The following A2M variants were observed in gnomAD, a reference collection of about 807,000 sequenced individuals.
A2M encodes C3 and PZP-like alpha-2-macroglobulin domain-containing protein 5.
A2M carries 128 observed loss-of-function variants against 183.9 expected under a neutral mutation model. That is an observed-to-expected ratio of 0.70 (90% CI 0.60 to 0.81). A2M has a LOEUF of 0.81. Among genes scored for constraint, A2M ranks in the 30% least tolerant of loss-of-function variants. A2M has a pLI of 0.00. For missense variants in A2M, 1,495 were observed against 1,787.6 expected, an observed-to-expected ratio of 0.84 and a Z score of 2.95; for synonymous variants, 592 against 670.8, an observed-to-expected ratio of 0.88 and a Z score of 1.81.
chr12:9,109,758 C>T, intron 6 of A2M, 109 bp downstream of exon 6: 1 of 1,106,498 alleles, frequency 9.0e-7, no homozygotes, highest in Non-Finnish European at 1.3e-6. Context: ...TACTCCAAGC[C>T]CAATGTCACC....
upstream of A2M, chr12:9,116,226 G>T (rs945274415): frequency 2.8e-5 from 8 of 290,570 alleles, no homozygotes; most frequent in Non-Finnish European, 4.8e-5. Context: ...CACATCTCTT[G>T]TATGAATAGC....
rs747664880 is a variant in A2M, at chr12:9,074,637, C to A, written c.3679G>T (p.Asp1227Tyr). The A allele has an allele frequency of 1.5e-5, 24 of 1,613,876 alleles. No individual in the cohort carries two copies. The South Asian group carries it at 2.5e-4, about 17-fold the overall frequency. Residue 1227 changes from aspartate to tyrosine, a missense_variant, in exon 29 of 36, where the codon GAC (aspartate) becomes TAC (tyrosine). Physicochemically the swap from Asp to Tyr is radical, Grantham distance 160. Coordinates refer to ENST00000318602, the MANE Select transcript of A2M (RefSeq NM_000014.6). ...ACGATGTTGGTTGCAGAGGTCAGGT[C>A]CTCCGAGGTTGGGGCTGGCTGGGCC... is the stretch of plus-strand genomic sequence containing the variant. ...LTAQPAPTSE[D>Y]LTSATNIVKW...
intron 33 of A2M, 133 bp from the exon 34 acceptor site, chr12:9,068,975 T>C (rs1425647363): frequency 1.8e-6 from 1 of 571,410 alleles, no homozygotes; most frequent in African/African-American, 1.9e-5. Context: ...CTTAATTAAA[T>C]TGTGCAGAAA....
chr12:9,105,886 A>C (rs1303831413), intron 10 of A2M, among the ~76,000 whole-genome samples: 1 of 152,176 alleles, frequency 6.6e-6, no homozygotes, highest in Non-Finnish European at 1.5e-5. Context: ...ATGAATTTTG[A>C]GATTCTTGTG....
At position 9,107,563 on chromosome 12, in the gene A2M, A is replaced by G; in HGVS notation, c.840T>C (p.Gly280=). The change falls in exon 8 of 36, where the codon GGT becomes GGC. Residue 280 remains glycine (G), a synonymous_variant. Coordinates refer to ENST00000318602, the MANE Select transcript of A2M (RefSeq NM_000014.6). ...RKYSDASDCH[G]EDSQAFCEKF... ...TCTCACAGAAAGCCTGTGAATCTTC[A>G]CCGTGGCAGTCGGAAGCGTCACTAT... 1 of 1,613,910 alleles carries G rather than the reference A, an allele frequency of 6.2e-7. No homozygotes were observed. Among genetic ancestry groups the G allele is most frequent in the Non-Finnish European group, 8.5e-7 (1 of 1,179,840 alleles).
chr12:9,074,951 C>G (rs1034407033), intron 28 of A2M, among the ~76,000 whole-genome samples, 168 bp from the exon 29 acceptor site: 1 of 152,172 alleles, frequency 6.6e-6, no homozygotes, highest in Non-Finnish European at 1.5e-5. Context: ...TGTGTTTTAG[C>G]CCAGCTAAGG....
chr12:9,083,193 G>T (rs1180034717), intron 22 of A2M, among the ~76,000 whole-genome samples: 2 of 151,998 alleles, frequency 1.3e-5, no homozygotes, highest in South Asian at 2.1e-4. Context: ...TGAACAATGA[G>T]AACACTTGGA....
intron 5 of A2M, 136 bp downstream of exon 5, chr12:9,110,178 C>T (rs1938617582): frequency 1.8e-6 from 2 of 1,114,896 alleles, no homozygotes; most frequent in Admixed American, 2.5e-5. Flanking sequence ...GAGTTATAGC[C>T]ATCTAGCTCT....
intron 22 of A2M, among the ~76,000 whole-genome samples, chr12:9,088,673 T>C (rs1949118948): frequency 1.3e-5 from 2 of 152,212 alleles, no homozygotes; most frequent in Admixed American, 6.5e-5. Context: ...AAATTTTTCC[T>C]GTAAGTTTCT....
chr12:9,077,033 C>T (rs1805654), intron 27 of A2M, 97 bp from the exon 28 acceptor site: 401,762 of 1,178,628 alleles, frequency 0.34, 71,645 homozygotes, highest in African/African-American at 0.49. Flanking sequence ...GTTTTTCAAA[C>T]GCATTTTTCC....
intron 2 of A2M, 143 bp from the exon 3 acceptor site, chr12:9,112,679 A>C (rs1232732621): frequency 1.2e-6 from 1 of 814,012 alleles, no homozygotes; most frequent in Non-Finnish European, 1.9e-6. Context: ...TGGCATGGAC[A>C]GGAATCACTT....
In A2M at chr12:9,095,157, T is replaced by C. The variant is rs894031816; in HGVS notation, c.2014-73A>G. 25 of 776,664 alleles carry C rather than the reference T, an allele frequency of 3.2e-5. No homozygotes were observed. The Admixed American group carries it at 4.4e-4, about 14-fold the overall frequency. The allele number at this position is 776,664 out of a possible 1,614,324, so 48.1% of individuals were successfully genotyped here. Reference sequence around the variant, plus strand: ...TACATAGGTAGCTACTTCTTTTTATTGAATTTGACAAGCAATCCAGTTAAC... The same window carrying C: ...TACATAGGTAGCTACTTCTTTTTATCGAATTTGACAAGCAATCCAGTTAAC... On this transcript the variant is annotated intron_variant, in intron 16 of 35. Transcript: ENST00000318602.
intron 27 of A2M, 31 bp from the exon 28 acceptor site, chr12:9,076,967 C>A: frequency 6.5e-7 from 1 of 1,527,124 alleles, no homozygotes; most frequent in South Asian, 1.3e-5. Context: ...GGGAACTAAG[C>A]TATGTAAACA....
At chr12:9,068,038 A>G (rs1565573865) in intron 35 of A2M, 145 bp downstream of exon 35, 1 of 1,057,164 alleles carries the variant, frequency 9.5e-7, no homozygotes, top group Non-Finnish European at 1.4e-6. Flanking sequence ...GCCCTCTCCA[A>G]TAAATGTGTT....
chr12:9,108,865 A>G (rs1042511663), intron 7 of A2M, among the ~76,000 whole-genome samples: 2 of 152,198 alleles, frequency 1.3e-5, no homozygotes, highest in African/African-American at 4.8e-5. Context: ...TATCTCTACA[A>G]ATTCTGAATC....
At chr12:9,074,081 C>T (rs1233515461) in intron 29 of A2M, among the ~76,000 whole-genome samples, 3 of 97,654 alleles carry the variant, frequency 3.1e-5, no homozygotes, top group African/African-American at 1.4e-4. Flanking sequence ...GAGCAAGACT[C>T]TGTCTTAAAA....
intron 15 of A2M, among the ~76,000 whole-genome samples, chr12:9,096,011 G>A (rs538541967): frequency 2.0e-5 from 3 of 150,720 alleles, no homozygotes; most frequent in Admixed American, 6.6e-5. Context: ...CACCCGCCTC[G>A]GCCTCCCAAA....
At position 9,090,029 on chromosome 12, in the gene A2M, A is replaced by C. The variant is rs754820150; in HGVS notation, c.2597-6T>G. ...CACAGTGAAATTCACATTTCCTGAAAAAAAAGGCCAGTAGAAATGAATAGC... is the reference window on the plus strand; with the variant it reads ...CACAGTGAAATTCACATTTCCTGAACAAAAAGGCCAGTAGAAATGAATAGC... On this transcript the variant is annotated splice_region_variant and splice_polypyrimidine_tract_variant and intron_variant, in intron 20 of 35. Transcript: ENST00000318602. The C allele has an allele frequency of 1.3e-6, 2 of 1,582,908 alleles. No homozygotes were observed. Among genetic ancestry groups the C allele is most frequent in the Non-Finnish European group, 1.7e-6 (2 of 1,157,686 alleles).
At chr12:9,115,510 A>G in intron 1 of A2M, 1 of 373,900 alleles carries the variant, frequency 2.7e-6, no homozygotes, top group South Asian at 3.0e-5. Context: ...AATATCTAAA[A>G]TTTATTCTTT....
Sources: gnomAD v4.1 joint callset for allele counts (sites outside exome capture counted in the v4.1 genomes callset) on GRCh38, gnomAD v4.1.1 for gene constraint, MANE v1.5 for transcripts, NCBI Gene and HGNC (gene_info 2026-07-23, HGNC 2026-07-21) for gene names.